The following ROR1 variants were observed in gnomAD, a reference collection of about 807,000 sequenced individuals.
ROR1 encodes the protein ROR family WNT receptor 1.
ROR1 carries 19 observed loss-of-function variants against 78.8 expected under a neutral mutation model. That is an observed-to-expected ratio of 0.24 (90% confidence interval 0.17 to 0.35). The LOEUF (loss-of-function observed/expected upper bound fraction) is 0.35, where lower values mean the gene tolerates loss of function less well. Ranked by LOEUF, ROR1 falls within the 10% of genes least tolerant of loss-of-function variation. The pLI, the probability that ROR1 is intolerant of heterozygous loss-of-function variation, is 1.00. For missense variants in ROR1, 917 were observed against 1,177.8 expected, an observed-to-expected ratio of 0.78 and a Z score of 3.24; for synonymous variants, 386 against 433.6, an observed-to-expected ratio of 0.89 and a Z score of 1.36.
chr1:63,997,543 C>T (rs1646347163), intron 1 of ROR1, among the ~76,000 whole-genome samples: 1 of 152,142 alleles, frequency 6.6e-6, no homozygotes, highest in South Asian at 2.1e-4. Context: ...CTCCCTTTCC[C>T]CTAGACTCTT....
intron 1 of ROR1, among the ~76,000 whole-genome samples, chr1:63,988,174 G>T (rs1172793014): frequency 2.0e-5 from 3 of 152,156 alleles, no homozygotes; most frequent in Admixed American, 6.6e-5. Context: ...AACAATGAGA[G>T]AATCTGATTG....
intron 4 of ROR1, among the ~76,000 whole-genome samples, chr1:64,092,110 TCCC>T (rs1647203416): frequency 1.4e-5 from 1 of 73,912 alleles, no homozygotes; most frequent in African/African-American, 4.7e-5. Context: ...CCTCCCTCCC[TCCC>T]TCCCTCCCTT....
chr1:63,904,826 C>T (rs72930806), intron 1 of ROR1, among the ~76,000 whole-genome samples: 4,373 of 152,246 alleles, frequency 0.029, 226 homozygotes, highest in African/African-American at 0.1. Flanking sequence ...GGAGGCCAAC[C>T]TGCTGATATC....
chr1:63,930,099 A>C (rs1645739280), intron 1 of ROR1, among the ~76,000 whole-genome samples: 1 of 152,014 alleles, frequency 6.6e-6, no homozygotes, highest in Non-Finnish European at 1.5e-5. Flanking sequence ...ATTTCTCCTA[A>C]TGCTATCCCT....
chr1:64,001,217 T>A (rs1480203382), intron 1 of ROR1, among the ~76,000 whole-genome samples: 1 of 152,214 alleles, frequency 6.6e-6, no homozygotes, highest in African/African-American at 2.4e-5. Context: ...GGCATTATGC[T>A]GAGTAAAAGA....
At position 63,854,668 on chromosome 1, in the gene ROR1, C is replaced by T. The variant is rs182266678; in HGVS notation, c.91+80160C>T. ...AAACCCATCATAGGTAGAGATAGAA[C>T]ATGTCTGTGCTTAGATAGTATCTGG... On this transcript the variant is annotated intron_variant, in intron 1 of 8. Transcript: ENST00000371079. Among the ~76,000 whole-genome samples, 7 of 152,302 alleles carry T rather than the reference C, an allele frequency of 4.6e-5. No individual in the cohort carries two copies. In the East Asian group the frequency reaches 1.2e-3, roughly 25 times the overall value.
intron 6 of ROR1, 47 bp from the exon 7 acceptor site, chr1:64,142,358 T>C: frequency 6.2e-7 from 1 of 1,606,160 alleles, no homozygotes; most frequent in Non-Finnish European, 8.5e-7. Flanking sequence ...AGCTCCAGCA[T>C]CTCCTATGTT....
intron 7 of ROR1, among the ~76,000 whole-genome samples, chr1:64,143,683 G>C (rs1649393855): frequency 2.0e-5 from 3 of 152,174 alleles, no homozygotes; most frequent in Admixed American, 6.5e-5. Flanking sequence ...AGCATGGGGA[G>C]ACGCCAGGGA....
chr1:63,866,163 C>T (rs956149859), intron 1 of ROR1, among the ~76,000 whole-genome samples: 2 of 152,010 alleles, frequency 1.3e-5, no homozygotes, highest in African/African-American at 4.8e-5. Context: ...TCTCTTTGCC[C>T]CAGAGAAGCC....
chr1:63,813,255 G>A (rs1569755614), intron 1 of ROR1, among the ~76,000 whole-genome samples: 2 of 152,244 alleles, frequency 1.3e-5, no homozygotes, highest in East Asian at 3.9e-4. Context: ...TAAGTTTTAG[G>A]GATTTGTAGA....
chr1:63,940,142 T>C (rs999964783), intron 1 of ROR1, among the ~76,000 whole-genome samples: 2 of 152,130 alleles, frequency 1.3e-5, no homozygotes, highest in African/African-American at 4.8e-5. Flanking sequence ...CATTCAGTCA[T>C]TTGAGCAACA....
At chr1:63,823,445 CTTTTTTTTT>C (rs11374055) in intron 1 of ROR1, among the ~76,000 whole-genome samples, 21 of 106,172 alleles carry the variant, frequency 2.0e-4, no homozygotes, top group African/African-American at 4.9e-4. Context: ...ACAGACATTA[CTTTTTTTTT>C]TTTTTTTTTT....
intron 1 of ROR1, among the ~76,000 whole-genome samples, chr1:63,849,417 G>A (rs1214337265): frequency 6.6e-6 from 1 of 152,198 alleles, no homozygotes; most frequent in East Asian, 1.9e-4. Flanking sequence ...CTAAAATAGG[G>A]TCAGGAGCAG....
intron 1 of ROR1, among the ~76,000 whole-genome samples, chr1:63,915,718 G>A (rs1645603901): frequency 6.6e-6 from 1 of 152,088 alleles, no homozygotes; most frequent in South Asian, 2.1e-4. Flanking sequence ...TGCTTCCCTG[G>A]GTTTGGAAGC....
In ROR1 at chr1:64,033,780, C is replaced by G. The variant is rs559156657; in HGVS notation, c.164-15911C>G. Among the ~76,000 whole-genome samples the G allele has an allele frequency of 3.7e-4, 57 of 152,292 alleles. 1 individual carries two copies. In the South Asian group the frequency reaches 0.011, roughly 30 times the overall value. On this transcript the variant is annotated intron_variant, in intron 2 of 8. Coordinates refer to ENST00000371079, the MANE Select transcript of ROR1 (RefSeq NM_005012.4). The stretch of plus-strand genomic sequence containing the variant: ...AAATGTATAATGAAATTTATTGAGA[C>G]TTGCATGTGCCAAACACTTTCCTAA...
At chr1:63,962,573 A>T (rs1038985885) in intron 1 of ROR1, among the ~76,000 whole-genome samples, 6 of 152,168 alleles carry the variant, frequency 3.9e-5, no homozygotes, top group Non-Finnish European at 8.8e-5. Context: ...GCCTCCCTGG[A>T]GTTGGTGATG....
intron 1 of ROR1, among the ~76,000 whole-genome samples, chr1:63,812,353 A>G (rs1180452762): frequency 6.6e-6 from 1 of 152,204 alleles, no homozygotes; most frequent in African/African-American, 2.4e-5. Flanking sequence ...CCATGCTACC[A>G]TGTCAGAGTT....
chr1:63,916,469 T>G (rs1645610448), intron 1 of ROR1, among the ~76,000 whole-genome samples: 1 of 152,236 alleles, frequency 6.6e-6, no homozygotes. Flanking sequence ...AGCCCCATGC[T>G]TCACAAATAC....
intron 2 of ROR1, among the ~76,000 whole-genome samples, chr1:64,042,402 G>C (rs1048915551): frequency 6.6e-6 from 1 of 152,152 alleles, no homozygotes; most frequent in African/African-American, 2.4e-5. Flanking sequence ...GCTTAGAGAG[G>C]TTAAATCACA....
Sources: gnomAD v4.1 joint callset for allele counts (sites outside exome capture counted in the v4.1 genomes callset) on GRCh38, gnomAD v4.1.1 for gene constraint, MANE v1.5 for transcripts, NCBI Gene and HGNC (gene_info 2026-07-23, HGNC 2026-07-21) for gene names.